Variants in MCTP2 observed in about 807,000 individuals in gnomAD.
The protein encoded by MCTP2 is multiple C2 and transmembrane domain containing 2.
Under a neutral mutation model 111.6 loss-of-function variants are expected in MCTP2, and 132 were observed. The observed-to-expected ratio is 1.18, with a 90% confidence interval of 1.03 to 1.37. The LOEUF is 1.37. MCTP2 is among the 40% of genes most tolerant of loss of function. The probability of loss-of-function intolerance (pLI) is 0.00; values close to 1 mark genes in which losing one functional copy is unlikely to be tolerated. For synonymous variants in MCTP2, 395 were observed against 387.7 expected (o/e 1.02, Z -0.22); for missense variants, 1,183 against 1,067.9 (o/e 1.11, Z -1.50).
At chr15:94,478,171 G>A (rs777752115) in intron 22 of MCTP2, among the ~76,000 whole-genome samples, 15 of 152,150 alleles carry the variant, frequency 9.9e-5, no homozygotes, top group Non-Finnish European at 2.1e-4. Flanking sequence ...CCATCACTTG[G>A]GTCGCAGTGT....
intron 19 of MCTP2, among the ~76,000 whole-genome samples, chr15:94,451,058 TA>T (rs1206894535): frequency 6.6e-6 from 1 of 152,224 alleles, no homozygotes; most frequent in East Asian, 1.9e-4. Context: ...CCCTGATTTT[TA>T]AAATTTTTTT....
chr15:94,298,504 G>T lies in MCTP2; in HGVS notation c.239G>T (p.Ser80Ile), dbSNP rs746567869. The T allele has an allele frequency of 1.9e-6, 3 of 1,613,906 alleles. No individual in the cohort carries two copies. The South Asian group carries it at 3.3e-5, about 18-fold the overall frequency. The change falls in exon 2 of 23, where the codon AGC becomes ATC. Residue 80 changes from serine (S) to isoleucine (I), a missense_variant. Transcript: ENST00000357742. The stretch of plus-strand genomic sequence containing the variant: ...CAGTCTTCCTACACCTCGGTGCCCA[G>T]CAGTCTGTCCACTGCAGGGATCTTT... ...GPQSSYTSVP[S>I]SLSTAGIFPK...
chr15:94,415,273 G>C (rs547603797), intron 17 of MCTP2, among the ~76,000 whole-genome samples: 22 of 152,256 alleles, frequency 1.4e-4, no homozygotes, highest in Admixed American at 6.5e-4. Context: ...TCTGCCTGCA[G>C]TTGAAGTTTA....
intron 2 of MCTP2, among the ~76,000 whole-genome samples, chr15:94,306,998 G>A (rs759649157): frequency 7.2e-5 from 11 of 152,040 alleles, no homozygotes; most frequent in Non-Finnish European, 1.6e-4. Context: ...CTCGAAAGTC[G>A]TACCTCAATA....
chr15:94,273,018 T>C (rs558149159), intron 1 of MCTP2, among the ~76,000 whole-genome samples: 14 of 152,338 alleles, frequency 9.2e-5, no homozygotes, highest in African/African-American at 3.1e-4. Context: ...AAGTCAAGAC[T>C]GATCTCAGGC....
intron 1 of MCTP2, among the ~76,000 whole-genome samples, chr15:94,290,452 T>C (rs1450254460): frequency 6.6e-6 from 1 of 152,026 alleles, no homozygotes; most frequent in Non-Finnish European, 1.5e-5. Flanking sequence ...TAAATTAAAA[T>C]GGAACACTAT....
chr15:94,249,901 G>C (rs1430155450), intron 1 of MCTP2, among the ~76,000 whole-genome samples: 1 of 151,860 alleles, frequency 6.6e-6, no homozygotes, highest in African/African-American at 2.4e-5. Flanking sequence ...TCTTTCTGTT[G>C]TCTGAAAGCA....
chr15:94,247,818 G>C (rs747575811), intron 1 of MCTP2, among the ~76,000 whole-genome samples: 4 of 152,112 alleles, frequency 2.6e-5, no homozygotes, highest in Non-Finnish European at 4.4e-5. Flanking sequence ...CTCTAGGCAG[G>C]CTTGGATTTC....
At chr15:94,370,855 T>A (rs1205043576) in intron 12 of MCTP2, among the ~76,000 whole-genome samples, 1 of 152,240 alleles carries the variant, frequency 6.6e-6, no homozygotes, top group Non-Finnish European at 1.5e-5. Context: ...TGACAGATGC[T>A]ATTTACCAAG....
chr15:94,401,170 T>G (rs1000162411), intron 16 of MCTP2, among the ~76,000 whole-genome samples: 2 of 152,092 alleles, frequency 1.3e-5, no homozygotes, highest in Non-Finnish European at 2.9e-5. Flanking sequence ...GCTGAAATCC[T>G]AGGGTATGCT....
chr15:94,411,517 C>G (rs1487930688), intron 17 of MCTP2, among the ~76,000 whole-genome samples: 1 of 152,078 alleles, frequency 6.6e-6, no homozygotes, highest in Non-Finnish European at 1.5e-5. Flanking sequence ...ACTAGAGAGC[C>G]CAGTAATCGT....
chr15:94,310,722 TATA>T (rs1179542061), intron 2 of MCTP2, among the ~76,000 whole-genome samples: 2 of 150,756 alleles, frequency 1.3e-5, no homozygotes, highest in Non-Finnish European at 3.0e-5. Flanking sequence ...TAAAATAATA[TATA>T]ATACTACAAC....
chr15:94,342,012 C>T (rs550551905), intron 7 of MCTP2: 8 of 152,074 alleles, frequency 5.3e-5, no homozygotes, highest in African/African-American at 1.4e-4. Flanking sequence ...GTCAGTGATA[C>T]AGTAGGTGAC....
chr15:94,437,411 G>C (rs1478782864), intron 17 of MCTP2, among the ~76,000 whole-genome samples: 3 of 151,774 alleles, frequency 2.0e-5, no homozygotes, highest in African/African-American at 7.3e-5. Context: ...CCTTAAAATT[G>C]TTCCGTTGCT....
chr15:94,420,997 A>G (rs1181945894), intron 17 of MCTP2, among the ~76,000 whole-genome samples: 1 of 152,150 alleles, frequency 6.6e-6, no homozygotes, highest in Non-Finnish European at 1.5e-5. Flanking sequence ...CCCAGCCTTC[A>G]GCAACCACCA....
At chr15:94,340,054 T>C in intron 5 of MCTP2, 145 bp from the exon 6 acceptor site, 3 of 624,244 alleles carry the variant, frequency 4.8e-6, no homozygotes, top group South Asian at 2.1e-5. Flanking sequence ...CTTGACTAAA[T>C]TTCTCTTTAA....
chr15:94,239,216 C>T (rs1006335344), intron 1 of MCTP2, among the ~76,000 whole-genome samples: 5 of 152,064 alleles, frequency 3.3e-5, no homozygotes, highest in African/African-American at 7.2e-5. Context: ...ATTTCTTGGA[C>T]TACAATAACC....
chr15:94,437,327 T>C (rs2083535218), intron 17 of MCTP2, among the ~76,000 whole-genome samples: 1 of 151,924 alleles, frequency 6.6e-6, no homozygotes, highest in South Asian at 2.1e-4. Flanking sequence ...TGAATGTGAA[T>C]ATATAAAAAA....
intron 1 of MCTP2, among the ~76,000 whole-genome samples, chr15:94,251,594 G>A (rs562434473): frequency 2.0e-5 from 3 of 152,138 alleles, no homozygotes; most frequent in South Asian, 4.1e-4. Flanking sequence ...CCCGACGTCG[G>A]GTGATCCACC....
Sources: gnomAD v4.1 joint callset for allele counts (sites outside exome capture counted in the v4.1 genomes callset) on GRCh38, gnomAD v4.1.1 for gene constraint, MANE v1.5 for transcripts, NCBI Gene and HGNC (gene_info 2026-07-23, HGNC 2026-07-21) for gene names.